Variants in CNTN4 observed in about 807,000 individuals in gnomAD.
CNTN4 encodes the protein contactin 4.
A neutral mutation model predicts 122.5 loss-of-function variants in CNTN4; 77 were observed. That is an observed-to-expected ratio of 0.63 (90% CI 0.52 to 0.76). The LOEUF is 0.76. Among genes scored for constraint, CNTN4 ranks in the 30% least tolerant of loss-of-function variants. The probability of loss-of-function intolerance (pLI) is 0.00; values close to 1 mark genes in which losing one functional copy is unlikely to be tolerated. For missense variants in CNTN4, 1,256 were observed against 1,259.1 expected, an observed-to-expected ratio of 1.00 and a Z score of 0.04; for synonymous variants, 512 against 447.0, an observed-to-expected ratio of 1.15 and a Z score of -1.83.
At chr3:2,814,736 GGA>G (rs2092689579) in intron 6 of CNTN4, among the ~76,000 whole-genome samples, 1 of 152,164 alleles carries the variant, frequency 6.6e-6, no homozygotes, top group Non-Finnish European at 1.5e-5. Context: ...CAGTAACTTT[GGA>G]GAGAGACAAA....
chr3:2,206,763 G>C (rs2038364069), intron 2 of CNTN4, among the ~76,000 whole-genome samples: 1 of 151,972 alleles, frequency 6.6e-6, no homozygotes, highest in South Asian at 2.1e-4. Context: ...ATACTGTGAA[G>C]GAATTTTCTT....
In CNTN4 at chr3:3,006,987, A is replaced by C. The variant is rs532786131; in HGVS notation, c.1486+18515A>C. ...CCATTTATCCAAGAGCAATGTCTCCAAGTGCTTAACTGTGTGTCTCACTGT... is the reference window on the plus strand; with the variant it reads ...CCATTTATCCAAGAGCAATGTCTCCCAGTGCTTAACTGTGTGTCTCACTGT... On this transcript the variant is annotated intron_variant, in intron 14 of 24. Coordinates refer to ENST00000418658, the MANE Select transcript of CNTN4 (RefSeq NM_175607.3). Among the ~76,000 whole-genome samples, 3 of 152,340 alleles carry C rather than the reference A, an allele frequency of 2.0e-5. No homozygotes were observed. The South Asian group carries it at 6.2e-4, about 32-fold the overall frequency.
chr3:2,341,350 C>A (rs1559468977), intron 3 of CNTN4, among the ~76,000 whole-genome samples: 1 of 152,170 alleles, frequency 6.6e-6, no homozygotes, highest in African/African-American at 2.4e-5. Context: ...TTATCTTACC[C>A]TCCCACTGTG....
chr3:2,730,975 C>T (rs962914462), intron 4 of CNTN4, among the ~76,000 whole-genome samples: 34 of 150,754 alleles, frequency 2.3e-4, no homozygotes, highest in African/African-American at 6.3e-4. Flanking sequence ...AAGTGACACC[C>T]GGCTGCGGAG....
chr3:2,263,989 C>G lies in CNTN4; in HGVS notation c.-144-75189C>G, dbSNP rs111735281. Among the ~76,000 whole-genome samples the G allele has an allele frequency of 6.0e-3, 918 of 152,204 alleles. 12 individuals are homozygous for G. Among genetic ancestry groups the G allele is most frequent in the African/African-American group, 0.021 (884 of 41,552 alleles). ...TAATATTCCATTGTGTGTAGCTATA[C>G]CACATTTTATCTATCCATTCATTTC... On this transcript the variant is annotated intron_variant, in intron 2 of 24. Transcript: ENST00000418658.
In CNTN4 at chr3:3,037,288, G is replaced by T; in HGVS notation, c.2052G>T (p.Glu684Asp). ...TVAANVIGIG[E>D]PSRPSEKRRT... ...CAGCCAACGTGATTGGGATTGGGGA[G>T]CCCAGCCGCCCCTCAGAGAAACGGA... The change falls in exon 18 of 25, where the codon GAG becomes GAT. Residue 684 changes from glutamate (E) to aspartate (D), a missense_variant. Physicochemically the swap from Glu to Asp is conservative, Grantham distance 45. Transcript: ENST00000418658. The T allele has an allele frequency of 2.5e-6, 4 of 1,614,144 alleles. No individual in the cohort carries two copies. The highest frequency in any genetic ancestry group is 2.5e-6 in the Non-Finnish European group (3 of 1,180,022).
At chr3:2,290,426 C>T (rs1002713972) in intron 2 of CNTN4, among the ~76,000 whole-genome samples, 5 of 152,142 alleles carry the variant, frequency 3.3e-5, no homozygotes, top group Non-Finnish European at 5.9e-5. Flanking sequence ...ATACGTACAA[C>T]ACCTGTTAAT....
At chr3:3,029,620 T>C (rs1209060130) in intron 15 of CNTN4, among the ~76,000 whole-genome samples, 5 of 152,208 alleles carry the variant, frequency 3.3e-5, no homozygotes, top group African/African-American at 1.2e-4. Context: ...AATTTTGAAA[T>C]AGAATGAGGA....
intron 3 of CNTN4, among the ~76,000 whole-genome samples, chr3:2,551,107 A>G (rs1424468795): frequency 1.3e-5 from 2 of 152,200 alleles, no homozygotes; most frequent in Non-Finnish European, 2.9e-5. Context: ...ATAATAAAAA[A>G]AAAATGCCAG....
chr3:2,463,189 T>C (rs73806609), intron 3 of CNTN4, among the ~76,000 whole-genome samples: 1 of 152,002 alleles, frequency 6.6e-6, no homozygotes, highest in Non-Finnish European at 1.5e-5. Context: ...AAGGCTGTTA[T>C]CTACTAAATG....
At chr3:2,267,912 A>T (rs2041117807) in intron 2 of CNTN4, among the ~76,000 whole-genome samples, 1 of 151,962 alleles carries the variant, frequency 6.6e-6, no homozygotes. Flanking sequence ...TTTCCTATGG[A>T]ACCTGTTGAC....
chr3:2,569,827 C>T (rs919921632), intron 3 of CNTN4, among the ~76,000 whole-genome samples: 3 of 152,064 alleles, frequency 2.0e-5, no homozygotes, highest in Non-Finnish European at 2.9e-5. Flanking sequence ...AAGGGAAGCT[C>T]ACCTCCTTTG....
intron 3 of CNTN4, among the ~76,000 whole-genome samples, chr3:2,540,616 A>T (rs1370678782): frequency 6.6e-6 from 1 of 152,082 alleles, no homozygotes; most frequent in Non-Finnish European, 1.5e-5. Context: ...CCTAATGTGG[A>T]TTATGTTCAT....
intron 2 of CNTN4, among the ~76,000 whole-genome samples, chr3:2,154,220 A>G (rs1054343812): frequency 6.6e-6 from 1 of 152,046 alleles, no homozygotes; most frequent in Non-Finnish European, 1.5e-5. Flanking sequence ...CCCCGTCTCT[A>G]CAAAAAATAC....
intron 6 of CNTN4, among the ~76,000 whole-genome samples, chr3:2,815,018 C>A (rs554950465): frequency 6.6e-6 from 1 of 152,230 alleles, no homozygotes; most frequent in South Asian, 2.1e-4. Flanking sequence ...CTGATCATTA[C>A]CCAAGTACCA....
At chr3:2,745,149 A>G (rs2089683033) in intron 5 of CNTN4, among the ~76,000 whole-genome samples, 1 of 152,224 alleles carries the variant, frequency 6.6e-6, no homozygotes, top group Non-Finnish European at 1.5e-5. Flanking sequence ...GACCTATTTA[A>G]AGAATGATTG....
chr3:3,006,485 T>C (rs921245235), intron 14 of CNTN4, among the ~76,000 whole-genome samples: 1 of 152,206 alleles, frequency 6.6e-6, no homozygotes, highest in Admixed American at 6.5e-5. Context: ...TTGAAAGAGA[T>C]AGTGATCATC....
chr3:2,183,282 A>G (rs1036550262), intron 2 of CNTN4, among the ~76,000 whole-genome samples: 1 of 152,202 alleles, frequency 6.6e-6, no homozygotes, highest in Non-Finnish European at 1.5e-5. Flanking sequence ...TGAGATATCC[A>G]GTGGGTTCAA....
chr3:2,659,757 A>G (rs960183857), intron 4 of CNTN4, among the ~76,000 whole-genome samples: 1 of 152,160 alleles, frequency 6.6e-6, no homozygotes, highest in Non-Finnish European at 1.5e-5. Context: ...TATCTGGTAT[A>G]TTTGATATGG....
Sources: gnomAD v4.1 joint callset for allele counts (sites outside exome capture counted in the v4.1 genomes callset) on GRCh38, gnomAD v4.1.1 for gene constraint, MANE v1.5 for transcripts, NCBI Gene and HGNC (gene_info 2026-07-23, HGNC 2026-07-21) for gene names.